The following DNAH17 variants were observed in gnomAD, a reference collection of about 807,000 sequenced individuals.
DNAH17 encodes dynein axonemal heavy chain 17.
A neutral mutation model predicts 485.6 loss-of-function variants in DNAH17; 376 were observed. That is an observed-to-expected ratio of 0.77 (90% CI 0.71 to 0.84). DNAH17 has a LOEUF of 0.84. Ranked by LOEUF, DNAH17 falls within the 40% of genes least tolerant of loss-of-function variation. The probability of loss-of-function intolerance (pLI) is 0.00; values close to 1 mark genes in which losing one functional copy is unlikely to be tolerated. For synonymous variants in DNAH17, 3,031 were observed against 2,405.9 expected (o/e 1.26, Z -7.60); for missense variants, 6,370 against 5,839.3 (o/e 1.09, Z -2.96).
At chr17:78,564,192 C>T (rs1176265428) in intron 11 of DNAH17, among the ~76,000 whole-genome samples, 1 of 152,132 alleles carries the variant, frequency 6.6e-6, no homozygotes, top group Non-Finnish European at 1.5e-5. Flanking sequence ...CAGCTCCCTC[C>T]CCACTGCCGG....
chr17:78,556,684 C>T (rs550069472), intron 14 of DNAH17, among the ~76,000 whole-genome samples: 9 of 152,078 alleles, frequency 5.9e-5, no homozygotes, highest in Admixed American at 3.3e-4. Flanking sequence ...CCACGCTCTC[C>T]GGGCCCCTCC....
intron 75 of DNAH17, among the ~76,000 whole-genome samples, chr17:78,430,624 A>G (rs957339498): frequency 1.3e-5 from 2 of 152,218 alleles, no homozygotes; most frequent in Admixed American, 1.3e-4. Flanking sequence ...TCTGTTGCCC[A>G]GGCTGGAGTG....
chr17:78,533,359 G>T lies in DNAH17; in HGVS notation c.2860-623C>A, dbSNP rs139303063. On this transcript the variant is annotated intron_variant, in intron 19 of 80. Transcript: ENST00000389840. Reference sequence around the variant, plus strand: ...GGTCAGGGAATGGCCCCGAGGAAATGGCCATTGGTCTGAGAGCTGATGGAT... The same window carrying T: ...GGTCAGGGAATGGCCCCGAGGAAATTGCCATTGGTCTGAGAGCTGATGGAT... Among the ~76,000 whole-genome samples, 1,329 of 152,276 alleles carry T rather than the reference G, an allele frequency of 8.7e-3. 6 individuals are homozygous for T. Among genetic ancestry groups the T allele is most frequent in the South Asian group, 0.018 (88 of 4,826 alleles).
chr17:78,558,304 G>C, intron 13 of DNAH17, 50 bp from the exon 14 acceptor site: 1 of 1,597,224 alleles, frequency 6.3e-7, no homozygotes, highest in Non-Finnish European at 8.5e-7. Context: ...CAGGTCAACA[G>C]TGCAGTGTTC....
chr17:78,451,126 C>T (rs1351728925), intron 66 of DNAH17, among the ~76,000 whole-genome samples: 1 of 152,240 alleles, frequency 6.6e-6, no homozygotes, highest in Non-Finnish European at 1.5e-5. Context: ...CTATAACAGC[C>T]AGAAATGTGG....
At chr17:78,453,668 T>G (rs2087654669) in intron 64 of DNAH17, among the ~76,000 whole-genome samples, 1 of 152,228 alleles carries the variant, frequency 6.6e-6, no homozygotes, top group Non-Finnish European at 1.5e-5. Context: ...CGTGCTCTTA[T>G]GGGAGTGGAG....
chr17:78,572,990 G>T lies in DNAH17; in HGVS notation c.346-96C>A, dbSNP rs554001525. On this transcript the variant is annotated intron_variant, in intron 2 of 80. Coordinates refer to ENST00000389840, the MANE Select transcript of DNAH17 (RefSeq NM_173628.4). ...CCCCGGGGGGTTCCAAAGACCCGGT[G>T]TCTGGAGCCCTGGGAAAACTGGGTC... 165 of 1,143,518 alleles carry T rather than the reference G, an allele frequency of 1.4e-4. 3 individuals are homozygous for T. The South Asian group carries it at 2.4e-3, about 17-fold the overall frequency. The allele number at this position is 1,143,518 out of a possible 1,614,324, so 70.8% of individuals were successfully genotyped here. A position where few individuals can be genotyped will look rare whatever the true frequency, so the allele number is the denominator to read the frequency against.
At chr17:78,432,558 C>T (rs1461464235) in intron 75 of DNAH17, among the ~76,000 whole-genome samples, 3 of 152,232 alleles carry the variant, frequency 2.0e-5, no homozygotes, top group Admixed American at 1.3e-4. Context: ...CCTTCGCCAG[C>T]AGCGATCCTG....
In DNAH17 at chr17:78,471,543, T is replaced by C. The variant is rs867482132; in HGVS notation, c.8512-2660A>G. Among the ~76,000 whole-genome samples, 27 of 152,318 alleles carry C rather than the reference T, an allele frequency of 1.8e-4. No individual in the cohort carries two copies. The Middle Eastern group carries it at 0.014, about 77-fold the overall frequency. Reference sequence around the variant, plus strand: ...TGTTCCTTTTTCTGACTTTACTTTTTTAGAGATAGGGCCTCACTCTGTCGC... The same window carrying C: ...TGTTCCTTTTTCTGACTTTACTTTTCTAGAGATAGGGCCTCACTCTGTCGC... On this transcript the variant is annotated intron_variant, in intron 54 of 80. Transcript: ENST00000389840.
At chr17:78,441,333 G>GGA (rs1488685328) in intron 71 of DNAH17, 134 bp from the exon 72 acceptor site, 3 of 963,472 alleles carry the variant, frequency 3.1e-6, no homozygotes, top group East Asian at 5.2e-5. Flanking sequence ...GCCTGTGGCA[G>GGA]GAGAGCAGAG....
At chr17:78,477,196 C>A (rs1350789130) in intron 51 of DNAH17, among the ~76,000 whole-genome samples, 3 of 152,142 alleles carry the variant, frequency 2.0e-5, no homozygotes, top group East Asian at 3.9e-4. Context: ...GATGATGCAA[C>A]AGAACCTGAC....
At chr17:78,521,855 C>A (rs970649411) in intron 25 of DNAH17, among the ~76,000 whole-genome samples, 4 of 151,954 alleles carry the variant, frequency 2.6e-5, no homozygotes, top group Admixed American at 1.3e-4. Flanking sequence ...AGTGTGGTGG[C>A]GTGCGCCTGT....
chr17:78,569,315 T>C, intron 8 of DNAH17, 60 bp downstream of exon 8: 1 of 1,602,372 alleles, frequency 6.2e-7, no homozygotes, highest in Non-Finnish European at 8.5e-7. Context: ...TTATCAAATA[T>C]CGGGGCTCAT....
At chr17:78,433,779 A>T (rs2146434619) in intron 75 of DNAH17, among the ~76,000 whole-genome samples, 1 of 152,202 alleles carries the variant, frequency 6.6e-6, no homozygotes. Flanking sequence ...CTCCTGCAGG[A>T]GGTGGGGGCA....
rs1451292180 is a variant in DNAH17 at position 78,437,732 on chromosome 17, TG to T, written c.11941del (p.Gln3981ArgfsTer184). On this transcript the variant is annotated frameshift_variant, in exon 74 of 81. Coordinates refer to ENST00000389840, the MANE Select transcript of DNAH17 (RefSeq NM_173628.4). LOFTEE classifies it high-confidence loss of function. ...APSPETHIIP[Q>X]GILENAIKIT... ...CTTGATGGCGTTCTCCAGAATGCCC[TG>T]GGGGATGATGTGGGTCTCGGGGCTG... The T allele has an allele frequency of 1.2e-6, 2 of 1,612,132 alleles. No individual in the cohort carries two copies. Among genetic ancestry groups the T allele is most frequent in the Non-Finnish European group, 1.7e-6 (2 of 1,179,666 alleles).
At chr17:78,428,390 T>A in intron 77 of DNAH17, 135 bp downstream of exon 77, 1 of 1,118,702 alleles carries the variant, frequency 8.9e-7, no homozygotes, top group Non-Finnish European at 1.3e-6. Flanking sequence ...GTGTTTCTGA[T>A]ACCCAAGCCC....
chr17:78,478,300 ATCACCACAATC>A, intron 51 of DNAH17, among the ~76,000 whole-genome samples: 1 of 141,746 alleles, frequency 7.1e-6, no homozygotes, highest in Admixed American at 7.2e-5. Flanking sequence ...CTCCACCACC[ATCACCACAATC>A]ACATCACCAC....
rs778703317 is a variant in DNAH17, at chr17:78,428,657, C to G, written c.12456G>C (p.Leu4152=). Residue 4152 remains leucine (L), a synonymous_variant, in exon 77 of 81, where the codon CTG becomes CTC. Transcript: ENST00000389840. Reference sequence around the variant, plus strand: ...TCTCTGCGTTGGGGTGCAGGCCATACAGATAGGGACTCTCAGGGGGCAGGT... The same window carrying G: ...TCTCTGCGTTGGGGTGCAGGCCATAGAGATAGGGACTCTCAGGGGGCAGGT... ...DENLPPESPY[L]YGLHPNAEIG... 6.2e-7 allele frequency: 1 copy of G among 1,613,860 alleles called. No homozygotes were observed. Among genetic ancestry groups the G allele is most frequent in the Non-Finnish European group, 8.5e-7 (1 of 1,179,912 alleles).
intron 41 of DNAH17, among the ~76,000 whole-genome samples, chr17:78,493,487 G>C (rs1247971211): frequency 6.6e-6 from 1 of 152,354 alleles, no homozygotes; most frequent in East Asian, 1.9e-4. Flanking sequence ...GTGTATGTCC[G>C]AGTTCCTTTT....
Sources: gnomAD v4.1 joint callset for allele counts (sites outside exome capture counted in the v4.1 genomes callset) on GRCh38, gnomAD v4.1.1 for gene constraint, MANE v1.5 for transcripts, NCBI Gene and HGNC (gene_info 2026-07-23, HGNC 2026-07-21) for gene names.